LRRC37A2: variants seen among roughly 807,000 people sequenced by gnomAD.
The protein encoded by LRRC37A2 is leucine rich repeat containing 37 member A2, also known as leucine-rich repeat-containing protein 37A2.
Under a neutral mutation model 68.8 loss-of-function variants are expected in LRRC37A2, and 9 were observed. That is an observed-to-expected ratio of 0.13 (90% confidence interval 0.08 to 0.23). LRRC37A2 has a LOEUF of 0.23. Ranked by LOEUF, LRRC37A2 falls within the 10% of genes least tolerant of loss-of-function variation. The pLI, the probability that LRRC37A2 is intolerant of heterozygous loss-of-function variation, is 1.00. For missense variants in LRRC37A2, 168 were observed against 950.4 expected, an observed-to-expected ratio of 0.18 and a Z score of 10.82; for synonymous variants, 63 against 367.6, an observed-to-expected ratio of 0.17 and a Z score of 9.48.
the LRRC37A2 span, chr17:46,940,456 A>T: frequency 6.2e-7 from 1 of 1,609,432 alleles, no homozygotes; most frequent in Non-Finnish European, 8.5e-7. Context: ...TTTCCATTAC[A>T]CACAGCACTG....
the LRRC37A2 span, among the ~76,000 whole-genome samples, chr17:46,961,946 T>C: frequency 6.6e-6 from 1 of 152,158 alleles, no homozygotes; most frequent in African/African-American, 2.4e-5. Context: ...TTTTATTTAA[T>C]CAACAAATAC....
chr17:46,854,211 C>T, the LRRC37A2 span, among the ~76,000 whole-genome samples: 10 of 152,194 alleles, frequency 6.6e-5, no homozygotes, highest in Non-Finnish European at 8.8e-5. Context: ...TTAAGAAACC[C>T]TCTGGTGACT....
the LRRC37A2 span, among the ~76,000 whole-genome samples, chr17:46,913,158 T>C: frequency 6.6e-6 from 1 of 152,152 alleles, no homozygotes; most frequent in Non-Finnish European, 1.5e-5. Flanking sequence ...CTAAGGGCAG[T>C]TTTTAATCGC....
the LRRC37A2 span, among the ~76,000 whole-genome samples, chr17:46,985,797 A>C: frequency 6.6e-6 from 1 of 152,216 alleles, no homozygotes; most frequent in Non-Finnish European, 1.5e-5. Flanking sequence ...GCTTAATCAG[A>C]ATACCTTCAA....
the LRRC37A2 span, among the ~76,000 whole-genome samples, chr17:46,569,209 A>C: frequency 1.3e-5 from 2 of 151,714 alleles, no homozygotes; most frequent in African/African-American, 2.4e-5. Flanking sequence ...TGGCTTCCCA[A>C]AGTGCTGGGA....
the LRRC37A2 span, among the ~76,000 whole-genome samples, chr17:46,912,180 G>A: frequency 2.6e-5 from 4 of 152,150 alleles, no homozygotes; most frequent in East Asian, 1.9e-4. Flanking sequence ...TCCCTGCTCC[G>A]TATGGCCCCA....
chr17:46,876,748 T>C, the LRRC37A2 span: 1 of 1,512,118 alleles, frequency 6.6e-7, no homozygotes, highest in African/African-American at 1.4e-5. Context: ...AGTCTGGCAC[T>C]GCCAGGACCT....
the LRRC37A2 span, among the ~76,000 whole-genome samples, chr17:46,718,233 T>C: frequency 6.6e-6 from 1 of 152,136 alleles, no homozygotes; most frequent in East Asian, 1.9e-4. Flanking sequence ...CCCCAACACG[T>C]GCACCCCTGC....
chr17:46,595,340 A>T, the LRRC37A2 span, among the ~76,000 whole-genome samples: 1 of 65,860 alleles, frequency 1.5e-5, no homozygotes, highest in South Asian at 7.2e-4. Context: ...TTGTTGCAAT[A>T]CTTTTATTTG....
the LRRC37A2 span, among the ~76,000 whole-genome samples, chr17:46,745,826 A>G: frequency 5.9e-5 from 9 of 152,228 alleles, no homozygotes; most frequent in Non-Finnish European, 1.3e-4. Context: ...TAAATATAAC[A>G]GCACCACTTT....
the LRRC37A2 span, chr17:46,773,851 A>G: frequency 6.2e-7 from 1 of 1,613,068 alleles, no homozygotes; most frequent in Non-Finnish European, 8.5e-7. Flanking sequence ...CCTGGGATGG[A>G]GCCGCAGAGC....
At chr17:46,751,762 G>A in the LRRC37A2 span, 1 of 528,684 alleles carries the variant, frequency 1.9e-6, no homozygotes, top group Non-Finnish European at 3.4e-6. Context: ...GGTATTAGTA[G>A]CCTGCTTCTG....
chr17:46,998,302 A>C, the LRRC37A2 span, among the ~76,000 whole-genome samples: 1 of 152,172 alleles, frequency 6.6e-6, no homozygotes, highest in Non-Finnish European at 1.5e-5. Flanking sequence ...CTCGGCCGTG[A>C]GTGTGCTGTG....
chr17:46,516,931 C>CACTG (rs2051455824), intron 2 of LRRC37A2: 1 of 303,210 alleles, frequency 3.3e-6, no homozygotes, highest in South Asian at 5.3e-5. Context: ...CAACAGAGGG[C>CACTG]ACTGGGCCAA....
At chr17:46,680,306 CAGGA>C in the LRRC37A2 span, among the ~76,000 whole-genome samples, 1 of 151,534 alleles carries the variant, frequency 6.6e-6, no homozygotes, top group African/African-American at 2.4e-5. Flanking sequence ...CAATAGAACA[CAGGA>C]AGGAAGAGCC....
chr17:46,919,766 G>A, the LRRC37A2 span, among the ~76,000 whole-genome samples: 1 of 152,142 alleles, frequency 6.6e-6, no homozygotes, highest in Non-Finnish European at 1.5e-5. Flanking sequence ...GACCAACATG[G>A]TGAAACCCTG....
chr17:47,018,560 C>T, the LRRC37A2 span: 41 of 1,520,122 alleles, frequency 2.7e-5, no homozygotes, highest in South Asian at 1.0e-4. Context: ...CCATCCAGCA[C>T]GGGGGCCCAC....
chr17:46,732,718 T>C, the LRRC37A2 span, among the ~76,000 whole-genome samples: 1 of 152,300 alleles, frequency 6.6e-6, no homozygotes, highest in Admixed American at 6.5e-5. Context: ...CTAAAATGGA[T>C]TGAACAGGAG....
the LRRC37A2 span, among the ~76,000 whole-genome samples, chr17:46,944,891 CA>C: frequency 8.8e-3 from 1,338 of 152,304 alleles, 10 homozygotes; most frequent in Non-Finnish European, 0.012. Flanking sequence ...TAAGCCACCG[CA>C]GCCGGCCTTA....
Sources: allele counts gnomAD v4.1 joint callset (sites outside exome capture counted in the v4.1 genomes callset), GRCh38; gene constraint gnomAD v4.1.1; transcripts MANE v1.5; gene names NCBI Gene and HGNC (gene_info 2026-07-23, HGNC 2026-07-21).